CBFA2T2: variants seen among roughly 807,000 people sequenced by gnomAD.
CBFA2T2 encodes protein CBFA2T2.
Under a neutral mutation model 62.2 loss-of-function variants are expected in CBFA2T2, and 11 were observed. The ratio of observed to expected loss-of-function variants is 0.18; its 90% CI spans 0.11 to 0.29. The LOEUF (loss-of-function observed/expected upper bound fraction) is 0.29. Ranked by LOEUF, CBFA2T2 falls within the 10% of genes least tolerant of loss-of-function variation. CBFA2T2 has a pLI of 1.00. For synonymous variants in CBFA2T2, 295 were observed against 287.5 expected (o/e 1.03, Z -0.27); for missense variants, 592 against 774.1 (o/e 0.76, Z 2.79).
rs191500699 is a variant in CBFA2T2, at chr20:33,568,543, C to T, written c.35-38413C>T. Among the ~76,000 whole-genome samples the T allele has an allele frequency of 2.0e-3, 301 of 152,298 alleles. 2 individuals carry two copies. Among genetic ancestry groups the T allele is most frequent in the African/African-American group, 6.9e-3 (287 of 41,564 alleles). On this transcript the variant is annotated intron_variant, in intron 1 of 10. Transcript: ENST00000342704. Reference sequence around the variant, plus strand: ...GCTGCTTTGAGGGTGACAGATGTGTCCTCTGCTGCCGGCGGGCGCGTGCCT... The same window carrying T: ...GCTGCTTTGAGGGTGACAGATGTGTTCTCTGCTGCCGGCGGGCGCGTGCCT...
chr20:33,520,970 T>TCACACA (rs143080667), intron 1 of CBFA2T2, among the ~76,000 whole-genome samples: 197 of 137,116 alleles, frequency 1.4e-3, no homozygotes, highest in African/African-American at 3.2e-3. Flanking sequence ...TCACCTGCCA[T>TCACACA]CACACACACA....
At chr20:33,643,178 C>T (rs1370666342) in intron 10 of CBFA2T2, among the ~76,000 whole-genome samples, 1 of 152,096 alleles carries the variant, frequency 6.6e-6, no homozygotes, top group African/African-American at 2.4e-5. Flanking sequence ...GGTTAGGAGC[C>T]CTGACTTCTA....
chr20:33,642,112 TTTTTTGTGTGTGTGTG>T (rs1159183681), intron 10 of CBFA2T2, among the ~76,000 whole-genome samples: 104 of 74,616 alleles, frequency 1.4e-3, no homozygotes, highest in Middle Eastern at 0.012. Flanking sequence ...TGTCTTTTTT[TTTTTTGTGTGTGTGTG>T]TGTGTGTGTG....
intron 1 of CBFA2T2, among the ~76,000 whole-genome samples, chr20:33,543,725 C>T (rs1329600167): frequency 6.6e-6 from 1 of 152,118 alleles, no homozygotes; most frequent in Non-Finnish European, 1.5e-5. Context: ...GACCACTGCT[C>T]TGCTTTGTGC....
chr20:33,490,300 G>T lies in CBFA2T2; in HGVS notation c.33G>T (p.Gln11His). 1 of 1,280,710 alleles carries T rather than the reference G, an allele frequency of 7.8e-7. No homozygotes were observed. The highest frequency in any genetic ancestry group is 9.9e-7 in the Non-Finnish European group (1 of 1,014,778). 79.3% of individuals were successfully genotyped at this position (1,280,710 alleles called of 1,614,324 possible). A position where few individuals can be genotyped will look rare whatever the true frequency, so the allele number is the denominator to read the frequency against. Reference protein sequence around the residue: MVGVPGAAAFQLGPEKRVPAM... With the variant: MVGVPGAAAFHLGPEKRVPAM... The stretch of plus-strand genomic sequence containing the variant: ...GCGTCCCTGGAGCGGCCGCCTTCCA[G>T]CGTAAGTGGGGCGTGAATGCGGGCG... Residue 11 changes from glutamine to histidine, a missense_variant and splice_region_variant, in exon 1 of 11, where the codon CAG becomes CAT. Gln to His is a conservative substitution (Grantham distance 24, BLOSUM62 0). Transcript: ENST00000342704.
At position 33,649,230 on chromosome 20, in the gene CBFA2T2, C is replaced by G. The variant is rs560478611; in HGVS notation, c.*4584C>G. 1 of 152,210 alleles carries G rather than the reference C, an allele frequency of 6.6e-6. No individual in the cohort carries two copies. The highest frequency in any genetic ancestry group is 1.5e-5 in the Non-Finnish European group (1 of 68,034). The allele number at this position is 152,210 out of a possible 1,614,324, so 9.4% of individuals were successfully genotyped here. ...TGTCTGAACCAAACGGAAGAATAGC[C>G]AGCGGAGCATGGACTGTTCCAGCAC... On this transcript the variant is annotated 3_prime_UTR_variant, in exon 11 of 11. Coordinates refer to ENST00000342704, the MANE Select transcript of CBFA2T2 (RefSeq NM_001032999.3).
At chr20:33,566,171 T>G (rs2013303027) in intron 1 of CBFA2T2, among the ~76,000 whole-genome samples, 3 of 152,222 alleles carry the variant, frequency 2.0e-5, no homozygotes, top group Admixed American at 2.0e-4. Flanking sequence ...ATCCTCCTGG[T>G]TGCTGGCTGA....
Position 33,490,109 on chromosome 20 carries a change from A to G in CBFA2T2, c.-159A>G, listed in dbSNP as rs1019490677. The G allele has an allele frequency of 2.6e-4, 174 of 662,210 alleles. 2 individuals carry two copies. Among genetic ancestry groups the G allele is most frequent in the Admixed American group, 3.3e-4 (6 of 18,398 alleles). The allele number at this position is 662,210 out of a possible 1,614,324, so 41.0% of individuals were successfully genotyped here. On this transcript the variant is annotated 5_prime_UTR_variant, in exon 1 of 11. Transcript: ENST00000342704. ...CCTAACGGCGGCGGCGGCGGCGGCGACGGCGACAGCAGCGGTGGTGGTGTC... is the reference window on the plus strand; with the variant it reads ...CCTAACGGCGGCGGCGGCGGCGGCGGCGGCGACAGCAGCGGTGGTGGTGTC...
chr20:33,539,694 T>A (rs1011903151), intron 1 of CBFA2T2, among the ~76,000 whole-genome samples: 1 of 151,612 alleles, frequency 6.6e-6, no homozygotes, highest in African/African-American at 2.4e-5. Context: ...TGTGTTTTTT[T>A]TTTTTTTGGT....
Position 33,634,555 on chromosome 20 carries a change from C to T in CBFA2T2, c.1229-2085C>T, listed in dbSNP as rs542972441. On this transcript the variant is annotated intron_variant, in intron 8 of 10. Transcript: ENST00000342704. ...ATTGTGGTGGTATGTGCCTATAGTCCGGCTACTTGGGAAGCTGAGGTAGGA... is the reference window on the plus strand; with the variant it reads ...ATTGTGGTGGTATGTGCCTATAGTCTGGCTACTTGGGAAGCTGAGGTAGGA... 8.6e-5 allele frequency among the ~76,000 whole-genome samples: 13 copies of T among 150,856 alleles called. No homozygotes were observed. The East Asian group carries it at 1.4e-3, about 16-fold the overall frequency.
chr20:33,613,021 A>G (rs1418167688), intron 3 of CBFA2T2, among the ~76,000 whole-genome samples: 3 of 152,208 alleles, frequency 2.0e-5, no homozygotes, highest in Admixed American at 2.0e-4. Flanking sequence ...CAGGAAAGCT[A>G]TGTTTGCACC....
In CBFA2T2 at chr20:33,629,856, G is replaced by A. The variant is rs569246797; in HGVS notation, c.1170G>A (p.Thr390=). 3.4e-5 allele frequency: 55 copies of A among 1,614,124 alleles called. No homozygotes were observed. The South Asian group carries it at 4.1e-4, about 12-fold the overall frequency. The change falls in exon 8 of 11, where the codon ACG becomes ACA. Residue 390 remains threonine, a synonymous_variant. Transcript: ENST00000342704. The part of the protein sequence containing the change: ...RYNENTELRK[T]GTELVSRQHS... ...ATGAAAACACAGAGCTGAGGAAAACGGGGACCGAGTTGGTCTCCAGGCAGC... is the reference window on the plus strand; with the variant it reads ...ATGAAAACACAGAGCTGAGGAAAACAGGGACCGAGTTGGTCTCCAGGCAGC...
intron 1 of CBFA2T2, among the ~76,000 whole-genome samples, chr20:33,554,801 A>G (rs933913731): frequency 6.6e-6 from 1 of 151,934 alleles, no homozygotes; most frequent in Non-Finnish European, 1.5e-5. Context: ...TGATAAATCA[A>G]ACTCAGATGT....
At chr20:33,627,805 G>C (rs759074672) in intron 6 of CBFA2T2, among the ~76,000 whole-genome samples, 1 of 152,174 alleles carries the variant, frequency 6.6e-6, no homozygotes, top group Non-Finnish European at 1.5e-5. Context: ...CACTGTTACT[G>C]TATGTGACTT....
At position 33,495,838 on chromosome 20, in the gene CBFA2T2, A is replaced by G. The variant is rs114665767; in HGVS notation, c.34+5537A>G. 3.5e-3 allele frequency among the ~76,000 whole-genome samples: 531 copies of G among 152,258 alleles called. 4 individuals carry two copies. The highest frequency in any genetic ancestry group is 0.012 in the African/African-American group (508 of 41,550). On this transcript the variant is annotated intron_variant, in intron 1 of 10. Transcript: ENST00000342704. ...ATTACTTAACCTTCTTGTGCAGTTCATTTTCCTCATCTGAAAAATGGAGAT... is the reference window on the plus strand; with the variant it reads ...ATTACTTAACCTTCTTGTGCAGTTCGTTTTCCTCATCTGAAAAATGGAGAT...
At chr20:33,540,563 AC>A in intron 1 of CBFA2T2, among the ~76,000 whole-genome samples, 1 of 152,352 alleles carries the variant, frequency 6.6e-6, no homozygotes, top group Admixed American at 6.5e-5. Flanking sequence ...AGCCCTTATA[AC>A]ATGCTTTTTC....
intron 1 of CBFA2T2, among the ~76,000 whole-genome samples, chr20:33,580,630 C>G (rs986625637): frequency 2.6e-5 from 4 of 152,162 alleles, no homozygotes; most frequent in Non-Finnish European, 5.9e-5. Context: ...GTGGGCAGAT[C>G]ACTTGGGTCC....
intron 1 of CBFA2T2, among the ~76,000 whole-genome samples, chr20:33,535,605 TTTA>T (rs1189479769): frequency 2.1e-5 from 3 of 145,232 alleles, no homozygotes; most frequent in African/African-American, 8.1e-5. Context: ...GAGTTTTATT[TTTA>T]TTTTTTTATT....
At chr20:33,566,885 G>A (rs2013341006) in intron 1 of CBFA2T2, among the ~76,000 whole-genome samples, 1 of 152,166 alleles carries the variant, frequency 6.6e-6, no homozygotes, top group African/African-American at 2.4e-5. Flanking sequence ...TCCAAGATCA[G>A]TTGTTTACTT....
Sources: gnomAD v4.1 joint callset for allele counts (sites outside exome capture counted in the v4.1 genomes callset) on GRCh38, gnomAD v4.1.1 for gene constraint, MANE v1.5 for transcripts, NCBI Gene and HGNC (gene_info 2026-07-23, HGNC 2026-07-21) for gene names.